SLC8A3: variants seen among roughly 807,000 people sequenced by gnomAD.
The protein encoded by SLC8A3 is sodium/calcium exchanger 3.
A neutral mutation model predicts 65.4 loss-of-function variants in SLC8A3; 37 were observed. That is an observed-to-expected ratio of 0.57 (90% confidence interval 0.44 to 0.74). The LOEUF is 0.74. Among genes scored for constraint, SLC8A3 ranks in the 30% least tolerant of loss-of-function variants. SLC8A3 has a pLI of 0.00. For missense variants in SLC8A3, 1,112 were observed against 1,172.1 expected, an observed-to-expected ratio of 0.95 and a Z score of 0.75; for synonymous variants, 461 against 444.5, an observed-to-expected ratio of 1.04 and a Z score of -0.47.
At position 70,048,984 on chromosome 14, in the gene SLC8A3, G is replaced by C; in HGVS notation, c.2172C>G (p.Tyr724Ter). The C allele has an allele frequency of 6.2e-7, 1 of 1,614,126 alleles. No homozygotes were observed. Among genetic ancestry groups the C allele is most frequent in the Non-Finnish European group, 8.5e-7 (1 of 1,179,970 alleles). Residue 724 changes from tyrosine (Y) to a stop codon, truncating the protein, a stop_gained, in exon 6 of 7, where the codon TAC becomes TAG. Coordinates refer to ENST00000356921, the MANE Select transcript of SLC8A3 (RefSeq NM_182932.3). LOFTEE classifies it high-confidence loss of function. ...GEERLPSCFD[Y>*]VMHFLTVFWK... Reference sequence around the variant, plus strand: ...AGAAGACAGTCAGGAAGTGCATGACGTAGTCAAAGCAGGAGGGCAGCCTCT... The same window carrying C: ...AGAAGACAGTCAGGAAGTGCATGACCTAGTCAAAGCAGGAGGGCAGCCTCT...
intron 2 of SLC8A3, among the ~76,000 whole-genome samples, chr14:70,163,540 CA>C (rs1450667800): frequency 1.6e-4 from 24 of 152,176 alleles, no homozygotes; most frequent in African/African-American, 5.6e-4. Flanking sequence ...GATTAGAAAG[CA>C]GATGTTCCAA....
At chr14:70,186,454 C>G (rs1056787006) in intron 1 of SLC8A3, among the ~76,000 whole-genome samples, 2 of 152,146 alleles carry the variant, frequency 1.3e-5, no homozygotes, top group Admixed American at 6.5e-5. Flanking sequence ...AGAGCTGAAG[C>G]TTGAGTAGGA....
chr14:70,152,747 C>T (rs1264107649), intron 2 of SLC8A3, among the ~76,000 whole-genome samples: 1 of 152,170 alleles, frequency 6.6e-6, no homozygotes, highest in African/African-American at 2.4e-5. Flanking sequence ...CAGAGGCATT[C>T]GGAAAAGTGC....
intron 1 of SLC8A3, among the ~76,000 whole-genome samples, chr14:70,170,081 A>G (rs1332664090): frequency 1.3e-5 from 2 of 152,046 alleles, no homozygotes. Context: ...CTTTCCTCAT[A>G]TAGCCACCGT....
intron 2 of SLC8A3, among the ~76,000 whole-genome samples, chr14:70,115,431 T>C (rs1249683871): frequency 2.0e-5 from 3 of 152,240 alleles, no homozygotes; most frequent in Non-Finnish European, 4.4e-5. Context: ...AATTCTTTGC[T>C]TTGACTCCCA....
chr14:70,128,579 G>C (rs1175740112), intron 2 of SLC8A3, among the ~76,000 whole-genome samples: 1 of 152,152 alleles, frequency 6.6e-6, no homozygotes. Context: ...CATTCTCTTA[G>C]AGTGGTTGCA....
At chr14:70,169,682 A>AG (rs1316569491) in intron 1 of SLC8A3, among the ~76,000 whole-genome samples, 3 of 114,554 alleles carry the variant, frequency 2.6e-5, no homozygotes, top group African/African-American at 1.0e-4. Flanking sequence ...AGCTAAAAAA[A>AG]AAAAAAAGTG....
rs1461085975 is a variant in SLC8A3, at chr14:70,150,538, G to A, written c.1784+16101C>T. ...AGGATCATCAAGCAGTGATAGGAGGGTAGGAGGCAAACCCGGACATGAACT... is the reference window on the plus strand; with the variant it reads ...AGGATCATCAAGCAGTGATAGGAGGATAGGAGGCAAACCCGGACATGAACT... On this transcript the variant is annotated intron_variant, in intron 2 of 6. Transcript: ENST00000356921. Among the ~76,000 whole-genome samples the A allele has an allele frequency of 1.3e-5, 2 of 152,102 alleles. 1 individual carries two copies. Among genetic ancestry groups the A allele is most frequent in the Non-Finnish European group, 2.9e-5 (2 of 68,010 alleles).
At chr14:70,169,154 A>G (rs565949706) in intron 1 of SLC8A3, among the ~76,000 whole-genome samples, 80 of 152,276 alleles carry the variant, frequency 5.3e-4, no homozygotes, top group African/African-American at 1.8e-3. Context: ...AGAGCAATAA[A>G]CCTTGAAAAC....
chr14:70,051,771 A>G (rs924655545), intron 4 of SLC8A3, among the ~76,000 whole-genome samples: 15 of 152,172 alleles, frequency 9.9e-5, no homozygotes, highest in Admixed American at 2.6e-4. Flanking sequence ...CTTATTTCAC[A>G]TTCTATATTA....
Position 70,167,800 on chromosome 14 carries a change from G to C in SLC8A3, c.623C>G (p.Ala208Gly), listed in dbSNP as rs767788178. Residue 208 changes from alanine to glycine, a missense_variant, in exon 2 of 7, where the codon GCT (alanine) becomes GGT (glycine). Physicochemically the swap from Ala to Gly is moderately conservative, Grantham distance 60. Coordinates refer to ENST00000356921, the MANE Select transcript of SLC8A3 (RefSeq NM_182932.3). ...CCAGATGTAGGCAAAGATACTCCAAGCAGCGGTGATGAAGAAGACTCGTAG... is the reference window on the plus strand; with the variant it reads ...CCAGATGTAGGCAAAGATACTCCAACCAGCGGTGATGAAGAAGACTCGTAG... ...KHLRVFFITA[A>G]WSIFAYIWLY... 6.2e-7 allele frequency: 1 copy of C among 1,614,142 alleles called. No individual in the cohort carries two copies. Among genetic ancestry groups the C allele is most frequent in the Non-Finnish European group, 8.5e-7 (1 of 1,180,022 alleles).
At chr14:70,076,876 G>A (rs1425263859) in intron 2 of SLC8A3, among the ~76,000 whole-genome samples, 1 of 152,166 alleles carries the variant, frequency 6.6e-6, no homozygotes, top group Admixed American at 6.5e-5. Flanking sequence ...TTAAGAGCCT[G>A]GGCCTTAGAA....
At chr14:70,161,121 G>GTATA (rs3053365) in intron 2 of SLC8A3, among the ~76,000 whole-genome samples, 14 of 143,146 alleles carry the variant, frequency 9.8e-5, no homozygotes, top group East Asian at 6.1e-4. Flanking sequence ...GGACGTGGTG[G>GTATA]TATATATATA....
At chr14:70,071,776 G>A (rs1391152038) in intron 2 of SLC8A3, among the ~76,000 whole-genome samples, 1 of 152,168 alleles carries the variant, frequency 6.6e-6, no homozygotes, top group Non-Finnish European at 1.5e-5. Flanking sequence ...CTGACAATTT[G>A]CTACACAGCA....
At chr14:70,166,534 A>T in intron 2 of SLC8A3, 105 bp downstream of exon 2, 1 of 721,238 alleles carries the variant, frequency 1.4e-6, no homozygotes, top group South Asian at 1.9e-5. Context: ...AAAGTTTGAC[A>T]TTAACACAAA....
At chr14:70,160,847 G>T (rs1038624862) in intron 2 of SLC8A3, among the ~76,000 whole-genome samples, 1 of 145,550 alleles carries the variant, frequency 6.9e-6, no homozygotes. Context: ...CATATTCTTT[G>T]ACAGTCTCAG....
At chr14:70,123,073 CAAAAAAAAA>C (rs35933485) in intron 2 of SLC8A3, among the ~76,000 whole-genome samples, 1 of 89,480 alleles carries the variant, frequency 1.1e-5, no homozygotes, top group Non-Finnish European at 2.1e-5. Flanking sequence ...ACTCCATCTC[CAAAAAAAAA>C]AAAAAAAAAA....
chr14:70,111,676 T>G (rs1249649495), intron 2 of SLC8A3, among the ~76,000 whole-genome samples: 1 of 152,180 alleles, frequency 6.6e-6, no homozygotes, highest in Non-Finnish European at 1.5e-5. Context: ...TCCACATTTG[T>G]CAAAGGACTC....
chr14:70,126,599 C>T (rs909450972), intron 2 of SLC8A3, among the ~76,000 whole-genome samples: 6 of 151,486 alleles, frequency 4.0e-5, no homozygotes, highest in Non-Finnish European at 8.8e-5. Flanking sequence ...CACACACACA[C>T]ACACACTTAG....
Sources: allele counts gnomAD v4.1 joint callset (sites outside exome capture counted in the v4.1 genomes callset), GRCh38; gene constraint gnomAD v4.1.1; transcripts MANE v1.5; gene names NCBI Gene and HGNC (gene_info 2026-07-23, HGNC 2026-07-21).